UGGT2: variants seen among roughly 807,000 people sequenced by gnomAD.
UGGT2 encodes UDP-glucose:glycoprotein glucosyltransferase 2.
UGGT2 carries 180 observed loss-of-function variants against 192.1 expected under a neutral mutation model. That is an observed-to-expected ratio of 0.94 (90% confidence interval 0.83 to 1.06). The LOEUF is 1.06. Ranked by LOEUF, UGGT2 falls within the 50% of genes least tolerant of loss-of-function variation. UGGT2 has a pLI of 0.00. For missense variants in UGGT2, 1,849 were observed against 1,795.7 expected (o/e 1.03, Z -0.54); for synonymous variants, 580 against 591.0 (o/e 0.98, Z 0.27).
At chr13:95,988,518 C>T (rs1159569804) in intron 8 of UGGT2, among the ~76,000 whole-genome samples, 7 of 152,140 alleles carry the variant, frequency 4.6e-5, no homozygotes, top group Non-Finnish European at 8.8e-5. Context: ...GGAAACTGTA[C>T]ACCAGAAGGG....
intron 1 of UGGT2, among the ~76,000 whole-genome samples, chr13:96,043,064 A>G (rs2053211517): frequency 6.6e-6 from 1 of 152,336 alleles, no homozygotes; most frequent in African/African-American, 2.4e-5. Flanking sequence ...CATAGTCATC[A>G]GGTTATCCAA....
chr13:95,924,393 C>CT (rs59757283), intron 20 of UGGT2, among the ~76,000 whole-genome samples: 642 of 63,346 alleles, frequency 0.01, 45 homozygotes, highest in African/African-American at 0.025. Context: ...TCCCAAACAG[C>CT]TTTTTTTTTT....
intron 38 of UGGT2, among the ~76,000 whole-genome samples, chr13:95,805,069 AG>A (rs1206068756): frequency 6.6e-6 from 1 of 152,120 alleles, no homozygotes; most frequent in Non-Finnish European, 1.5e-5. Flanking sequence ...CAATATATAA[AG>A]AAACCCTGCA....
At chr13:96,005,117 G>C (rs939708348) in intron 5 of UGGT2, among the ~76,000 whole-genome samples, 1 of 152,030 alleles carries the variant, frequency 6.6e-6, no homozygotes, top group Admixed American at 6.6e-5. Context: ...TGTCAATTCT[G>C]GGTAGCATAT....
At chr13:96,020,940 T>C (rs1410932774) in intron 4 of UGGT2, among the ~76,000 whole-genome samples, 1 of 152,214 alleles carries the variant, frequency 6.6e-6, no homozygotes, top group African/African-American at 2.4e-5. Context: ...TTACTGCTCA[T>C]GACATAGAGC....
intron 36 of UGGT2, among the ~76,000 whole-genome samples, 173 bp from the exon 37 acceptor site, chr13:95,837,375 G>A (rs1887412291): frequency 6.6e-6 from 1 of 152,156 alleles, no homozygotes; most frequent in Non-Finnish European, 1.5e-5. Flanking sequence ...ATCATCTTGT[G>A]TCATGAATGA....
intron 10 of UGGT2, among the ~76,000 whole-genome samples, chr13:95,981,602 T>C (rs1029246512): frequency 6.6e-6 from 1 of 152,136 alleles, no homozygotes; most frequent in African/African-American, 2.4e-5. Flanking sequence ...GTAAATAAAC[T>C]GCAGCATGAG....
Position 95,918,239 on chromosome 13 carries a change from C to T in UGGT2, c.2295+7441G>A, listed in dbSNP as rs950338624. Among the ~76,000 whole-genome samples, 3 of 152,176 alleles carry T rather than the reference C, an allele frequency of 2.0e-5. 1 individual carries two copies. Among genetic ancestry groups the T allele is most frequent in the African/African-American group, 7.2e-5 (3 of 41,434 alleles). The stretch of plus-strand genomic sequence containing the variant: ...AGATTAAGAAATTCACTCAAAACCA[C>T]ACAACTACATGAAAATTGAACAACC... On this transcript the variant is annotated intron_variant, in intron 20 of 38. Transcript: ENST00000376747.
intron 4 of UGGT2, among the ~76,000 whole-genome samples, chr13:96,016,371 T>C (rs759081651): frequency 2.0e-5 from 3 of 152,284 alleles, no homozygotes; most frequent in East Asian, 3.9e-4. Context: ...TTCAGAGATA[T>C]ATGAGGCAGC....
rs748331515 is a variant in UGGT2, at chr13:95,890,909, C to A, written c.2911G>T (p.Val971Phe). 1.9e-6 allele frequency: 3 copies of A among 1,612,942 alleles called. No homozygotes were observed. Among genetic ancestry groups the A allele is most frequent in the Non-Finnish European group, 2.5e-6 (3 of 1,179,416 alleles). ...TGTGCTTCTCTTGTTAATGGATCAA[C>A]AATAGCAATGACATTGAAGAACATA... ...NDMFFNVIAI[V>F]DPLTREAQKM... Residue 971 changes from valine (V) to phenylalanine (F), a missense_variant, in exon 25 of 39, where the codon GTT (valine) becomes TTT (phenylalanine). Physicochemically the swap from Val to Phe is conservative, Grantham distance 50 (BLOSUM62 -1). Coordinates refer to ENST00000376747, the MANE Select transcript of UGGT2 (RefSeq NM_020121.4).
chr13:95,856,683 G>C, intron 33 of UGGT2: 2 of 423,018 alleles, frequency 4.7e-6, no homozygotes, highest in South Asian at 3.6e-5. Context: ...CTGGATCTTG[G>C]AACACCTACA....
At chr13:95,838,658 A>AT (rs908803571) in intron 36 of UGGT2, among the ~76,000 whole-genome samples, 7 of 152,072 alleles carry the variant, frequency 4.6e-5, no homozygotes, top group East Asian at 1.9e-4. Flanking sequence ...CTTTCTGCTC[A>AT]TTTTTTTTGT....
intron 10 of UGGT2, among the ~76,000 whole-genome samples, chr13:95,980,465 G>C (rs943828412): frequency 9.2e-5 from 14 of 151,956 alleles, no homozygotes; most frequent in African/African-American, 2.9e-4. Context: ...AAGGGCGGGG[G>C]GTGGCAAGAG....
Position 95,832,981 on chromosome 13 carries a change from C to A in UGGT2, c.4474G>T (p.Asp1492Tyr), listed in dbSNP as rs1266712182. 1 of 1,612,880 alleles carries A rather than the reference C, an allele frequency of 6.2e-7. No homozygotes were observed. Among genetic ancestry groups the A allele is most frequent in the Non-Finnish European group, 8.5e-7 (1 of 1,179,278 alleles). Residue 1492 changes from aspartate to tyrosine, a missense_variant, in exon 38 of 39, where the codon GAT (aspartate) becomes TAT (tyrosine). Transcript: ENST00000376747. ...ARIVPEWVEY[D>Y]AEIRQLLDHL... Reference sequence around the variant, plus strand: ...TCTAATAGTTGTCTTATCTCAGCATCATACTCCACCCATTCTGGGACAATT... The same window carrying A: ...TCTAATAGTTGTCTTATCTCAGCATAATACTCCACCCATTCTGGGACAATT...
chr13:95,945,795 C>A (rs1429612728), intron 15 of UGGT2, among the ~76,000 whole-genome samples: 1 of 152,030 alleles, frequency 6.6e-6, no homozygotes, highest in Non-Finnish European at 1.5e-5. Context: ...ATGCATATTC[C>A]ATGGCACTAT....
intron 2 of UGGT2, among the ~76,000 whole-genome samples, chr13:96,027,794 T>C (rs762395885): frequency 4.8e-4 from 73 of 152,214 alleles, no homozygotes; most frequent in Non-Finnish European, 8.5e-4. Flanking sequence ...ACTAAAGTCT[T>C]GATTACTATA....
intron 33 of UGGT2, among the ~76,000 whole-genome samples, chr13:95,857,331 C>CTAAGG (rs1193406930): frequency 6.6e-6 from 1 of 151,952 alleles, no homozygotes; most frequent in Non-Finnish European, 1.5e-5. Context: ...GTTCTAGGAT[C>CTAAGG]TAAGGGTACA....
chr13:95,937,465 T>C (rs990975573), intron 16 of UGGT2, among the ~76,000 whole-genome samples: 18 of 152,188 alleles, frequency 1.2e-4, no homozygotes, highest in African/African-American at 4.1e-4. Context: ...GTATAGAGTA[T>C]GACATTAACT....
chr13:95,929,471 C>T (rs1486619157), intron 17 of UGGT2, among the ~76,000 whole-genome samples: 3 of 152,124 alleles, frequency 2.0e-5, no homozygotes, highest in Non-Finnish European at 2.9e-5. Context: ...CTCTAGAAAT[C>T]CCCAGTGTCT....
Sources: allele counts gnomAD v4.1 joint callset (sites outside exome capture counted in the v4.1 genomes callset), GRCh38; gene constraint gnomAD v4.1.1; transcripts MANE v1.5; gene names NCBI Gene and HGNC (gene_info 2026-07-23, HGNC 2026-07-21).